Variants in ARID4B observed in about 807,000 individuals in gnomAD.
ARID4B encodes AT-rich interactive domain-containing protein 4B.
In ARID4B, 26 loss-of-function variants were observed where a neutral mutation model predicts 147.5. That is an observed-to-expected ratio of 0.18 (90% CI 0.13 to 0.24). The LOEUF (loss-of-function observed/expected upper bound fraction) is 0.24, where lower values mean the gene tolerates loss of function less well. ARID4B is among the 10% of genes least tolerant of loss of function. The pLI, the probability that ARID4B is intolerant of heterozygous loss-of-function variation, is 1.00. For missense variants in ARID4B, 1,179 were observed against 1,511.5 expected, an observed-to-expected ratio of 0.78 and a Z score of 3.65; for synonymous variants, 512 against 507.9, an observed-to-expected ratio of 1.01 and a Z score of -0.11.
intron 17 of ARID4B, among the ~76,000 whole-genome samples, chr1:235,198,712 A>G (rs1296918269): frequency 1.3e-5 from 2 of 152,248 alleles, no homozygotes; most frequent in Non-Finnish European, 2.9e-5. Flanking sequence ...CAGGACACAC[A>G]CACAAAAATA....
At position 235,198,979 on chromosome 1, in the gene ARID4B, A is replaced by T. The variant is rs1447369253; in HGVS notation, c.1842-2864T>A. Among the ~76,000 whole-genome samples the T allele has an allele frequency of 4.6e-5, 7 of 152,274 alleles. No homozygotes were observed. In the East Asian group the frequency reaches 1.2e-3, roughly 25 times the overall value. On this transcript the variant is annotated intron_variant, in intron 17 of 23. Transcript: ENST00000264183. ...CCAGGCATGATGGCGCATGCCTGTA[A>T]TCCTAGCTACTCGGGAGGCTGAGGC...
intron 19 of ARID4B, chr1:235,189,887 A>G (rs1664972262): frequency 6.5e-6 from 1 of 153,760 alleles, no homozygotes; most frequent in Non-Finnish European, 1.5e-5. Flanking sequence ...AAATAGTAAC[A>G]ATGAACAAAA....
chr1:235,228,675 T>TCG (rs1364041164), intron 11 of ARID4B: 1 of 146,540 alleles, frequency 6.8e-6, no homozygotes, highest in Non-Finnish European at 1.5e-5. Flanking sequence ...AGACAGAGTC[T>TCG]CGCTCTGTCG....
intron 19 of ARID4B, 28 bp downstream of exon 19, chr1:235,193,985 T>C (rs747497014): frequency 7.4e-7 from 1 of 1,348,138 alleles, no homozygotes; most frequent in Non-Finnish European, 1.0e-6. Flanking sequence ...ATCAAATACT[T>C]GCACAACAGA....
intron 11 of ARID4B, among the ~76,000 whole-genome samples, chr1:235,226,213 T>G (rs1263425815): frequency 6.6e-6 from 1 of 152,188 alleles, no homozygotes; most frequent in African/African-American, 2.4e-5. Context: ...TCTGTTATAT[T>G]TTACACACTA....
intron 2 of ARID4B, among the ~76,000 whole-genome samples, chr1:235,263,583 C>G (rs563629044): frequency 2.6e-4 from 40 of 152,252 alleles, no homozygotes; most frequent in Non-Finnish European, 4.6e-4. Flanking sequence ...TTTATTACTT[C>G]AAATTATTGT....
At chr1:235,218,407 ACAG>A (rs1461922704) in intron 16 of ARID4B, among the ~76,000 whole-genome samples, 1 of 152,222 alleles carries the variant, frequency 6.6e-6, no homozygotes, top group Non-Finnish European at 1.5e-5. Context: ...TGCCTTGCAA[ACAG>A]CAGATGTTCC....
At chr1:235,260,083 C>A (rs972937101) in intron 3 of ARID4B, among the ~76,000 whole-genome samples, 3 of 152,292 alleles carry the variant, frequency 2.0e-5, no homozygotes, top group African/African-American at 7.2e-5. Context: ...CAATTACACT[C>A]CTTTTTCTAT....
chr1:235,168,746 T>C, intron 23 of ARID4B, 94 bp from the exon 24 acceptor site: 8 of 1,333,418 alleles, frequency 6.0e-6, no homozygotes, highest in Non-Finnish European at 8.2e-6. Context: ...AATTCCGCTA[T>C]ATTGTCCAAA....
intron 2 of ARID4B, among the ~76,000 whole-genome samples, chr1:235,298,284 C>A (rs1016546847): frequency 5.9e-5 from 9 of 151,942 alleles, no homozygotes; most frequent in African/African-American, 1.9e-4. Context: ...TTGTAAATTT[C>A]CATAAAGTTT....
intron 17 of ARID4B, among the ~76,000 whole-genome samples, chr1:235,204,197 C>T (rs922476994): frequency 6.6e-6 from 1 of 152,114 alleles, no homozygotes; most frequent in Non-Finnish European, 1.5e-5. Context: ...TGGCACACGC[C>T]TGTAGTCCCA....
intron 2 of ARID4B, among the ~76,000 whole-genome samples, chr1:235,268,216 T>C (rs1439194621): frequency 6.6e-6 from 1 of 151,908 alleles, no homozygotes; most frequent in Non-Finnish European, 1.5e-5. Context: ...AATAAGTAAA[T>C]ACACTGAATA....
At chr1:235,230,610 AAAAAAAC>A (rs1259090514) in intron 10 of ARID4B, among the ~76,000 whole-genome samples, 48 of 132,692 alleles carry the variant, frequency 3.6e-4, no homozygotes, top group African/African-American at 1.0e-3. Context: ...AAAAAAAAAA[AAAAAAAC>A]CAGAAAAAAA....
chr1:235,173,801 T>A (rs1470721512), intron 22 of ARID4B, among the ~76,000 whole-genome samples: 1 of 75,816 alleles, frequency 1.3e-5, no homozygotes, highest in Non-Finnish European at 2.5e-5. Context: ...TATATATATA[T>A]ATATATATAT....
At chr1:235,188,882 A>G (rs1238971671) in intron 19 of ARID4B, among the ~76,000 whole-genome samples, 2 of 152,216 alleles carry the variant, frequency 1.3e-5, no homozygotes, top group African/African-American at 4.8e-5. Context: ...TCTTTCCTTC[A>G]TAATCATAAG....
intron 2 of ARID4B, among the ~76,000 whole-genome samples, chr1:235,277,611 T>C (rs1195525909): frequency 7.0e-6 from 1 of 142,014 alleles, no homozygotes; most frequent in Non-Finnish European, 1.5e-5. Flanking sequence ...TGTGTGTGTG[T>C]GTGTGTGTGT....
chr1:235,306,648 C>A (rs749196341), intron 2 of ARID4B, among the ~76,000 whole-genome samples: 2 of 152,000 alleles, frequency 1.3e-5, no homozygotes, highest in Non-Finnish European at 2.9e-5. Flanking sequence ...TCTGTATGAT[C>A]CCTTAAATAA....
At chr1:235,181,368 C>A in intron 20 of ARID4B, 1 of 710,832 alleles carries the variant, frequency 1.4e-6, no homozygotes, top group Non-Finnish European at 2.2e-6. Flanking sequence ...AATAAAATGC[C>A]ATGGATGGCT....
intron 16 of ARID4B, among the ~76,000 whole-genome samples, chr1:235,216,370 CAG>C (rs901881058): frequency 2.4e-4 from 36 of 151,560 alleles, no homozygotes; most frequent in Middle Eastern, 3.4e-3. Flanking sequence ...TTTTTTGAGA[CAG>C]AGTCTCGCTC....
Sources: allele counts gnomAD v4.1 joint callset (sites outside exome capture counted in the v4.1 genomes callset), GRCh38; gene constraint gnomAD v4.1.1; transcripts MANE v1.5; gene names NCBI Gene and HGNC (gene_info 2026-07-23, HGNC 2026-07-21).